IFT140: variants seen among roughly 807,000 people sequenced by gnomAD.
The protein encoded by IFT140 is intraflagellar transport 140.
Under a neutral mutation model 164.6 loss-of-function variants are expected in IFT140, and 133 were observed. The ratio of observed to expected loss-of-function variants is 0.81; its 90% CI spans 0.70 to 0.93. The LOEUF (loss-of-function observed/expected upper bound fraction) is 0.93. Among genes scored for constraint, IFT140 ranks in the 40% least tolerant of loss-of-function variants. IFT140 has a pLI of 0.00. For synonymous variants in IFT140, 860 were observed against 817.3 expected, an observed-to-expected ratio of 1.05 and a Z score of -0.89; for missense variants, 2,045 against 1,972.3, an observed-to-expected ratio of 1.04 and a Z score of -0.70.
intron 30 of IFT140, among the ~76,000 whole-genome samples, chr16:1,514,090 C>T (rs144044740): frequency 1.3e-5 from 2 of 151,652 alleles, no homozygotes; most frequent in East Asian, 2.0e-4. Context: ...TTTTGTTGGC[C>T]AGGTGCGGTA....
At chr16:1,520,425 A>G (rs2040486897) in intron 27 of IFT140, 82 bp from the exon 28 acceptor site, 1 of 1,485,062 alleles carries the variant, frequency 6.7e-7, no homozygotes, top group African/African-American at 1.4e-5. Flanking sequence ...GAGCTCTCAC[A>G]AGAAGAGTGG....
At chr16:1,603,486 CTTT>C (rs537190496) in intron 3 of IFT140, among the ~76,000 whole-genome samples, 1 of 147,974 alleles carries the variant, frequency 6.8e-6, no homozygotes, top group Non-Finnish European at 1.5e-5. Flanking sequence ...TGCGTTTCCT[CTTT>C]TTTTTTTTCT....
intron 19 of IFT140, among the ~76,000 whole-genome samples, chr16:1,542,301 T>A (rs555389134): frequency 2.6e-5 from 4 of 152,344 alleles, no homozygotes; most frequent in African/African-American, 9.6e-5. Context: ...GCAGGGAGGC[T>A]GCGACCACCT....
intron 2 of IFT140, among the ~76,000 whole-genome samples, chr16:1,608,926 C>A (rs539138794): frequency 1.3e-5 from 2 of 151,876 alleles, no homozygotes; most frequent in Non-Finnish European, 2.9e-5. Context: ...GAGGCCGAGG[C>A]GGGTGGATCA....
rs1193618147 is a variant in IFT140, at chr16:1,586,204, G to A, written c.1081C>T (p.Pro361Ser). The change falls in exon 10 of 31, where the codon CCC (proline) becomes TCC (serine). Residue 361 changes from proline to serine, a missense_variant. Pro to Ser is a moderately conservative substitution (Grantham distance 74). Coordinates refer to ENST00000426508, the MANE Select transcript of IFT140 (RefSeq NM_014714.4). ...WRKVPDFLGS[P>S]GAEGKDRWAL... ...CACCTGTCCTTGCCCTCTGCCCCGG[G>A]GCTGCCCAGGAAGTCTGGTACTTTC... 6.2e-7 allele frequency: 1 copy of A among 1,614,118 alleles called. No homozygotes were observed.
At chr16:1,552,048 AC>A (rs1440949085) in intron 19 of IFT140, among the ~76,000 whole-genome samples, 1 of 152,032 alleles carries the variant, frequency 6.6e-6, no homozygotes, top group Non-Finnish European at 1.5e-5. Context: ...AGGGAGGTTG[AC>A]CCTGGAAGCC....
chr16:1,521,060 C>T (rs1412991555), intron 26 of IFT140, among the ~76,000 whole-genome samples: 1 of 152,194 alleles, frequency 6.6e-6, no homozygotes, highest in African/African-American at 2.4e-5. Context: ...GATATATGCT[C>T]AAGAGAATAT....
rs546497569 is a variant in IFT140, at chr16:1,511,294, C to A, written c.4183-144G>T. The A allele has an allele frequency of 7.1e-5, 53 of 745,366 alleles. No individual in the cohort carries two copies. In the East Asian group the frequency reaches 1.3e-3, roughly 19 times the overall value. The allele number at this position is 745,366 out of a possible 1,614,324, so 46.2% of individuals were successfully genotyped here. A position where few individuals can be genotyped will look rare whatever the true frequency, so the allele number is the denominator to read the frequency against. On this transcript the variant is annotated intron_variant, in intron 30 of 30. Coordinates refer to ENST00000426508, the MANE Select transcript of IFT140 (RefSeq NM_014714.4). ...GGACACGGGGTGCACTGAGGCTTCC[C>A]ATTGGTGATGGGGGAATGTGGTGAT...
At chr16:1,587,439 G>T in intron 8 of IFT140, 135 bp from the exon 9 acceptor site, 2 of 638,010 alleles carry the variant, frequency 3.1e-6, no homozygotes, top group Non-Finnish European at 5.6e-6. Flanking sequence ...ATATGAAAAC[G>T]AACACTGCTG....
rs1483475047 is a variant in IFT140, at chr16:1,533,121, C to T, written c.2400-6325G>A. On this transcript the variant is annotated intron_variant, in intron 19 of 30. Coordinates refer to ENST00000426508, the MANE Select transcript of IFT140 (RefSeq NM_014714.4). This position sits in a 1 kb window ranked among gnomAD's most constrained non-coding sequence, Gnocchi z 4.7. ...CCCTGGCCCCAAGGCCCTCCAAGTACAGGTCCCTGGCCCCGAGGTCCTCCA... is the reference window on the plus strand; with the variant it reads ...CCCTGGCCCCAAGGCCCTCCAAGTATAGGTCCCTGGCCCCGAGGTCCTCCA... The T allele has an allele frequency of 6.6e-6, 1 of 152,522 alleles. No individual in the cohort carries two copies. Among genetic ancestry groups the T allele is most frequent in the African/African-American group, 2.4e-5 (1 of 41,434 alleles). 9.4% of individuals were successfully genotyped at this position (152,522 alleles called of 1,614,324 possible). A position where few individuals can be genotyped will look rare whatever the true frequency, so the allele number is the denominator to read the frequency against.
At position 1,587,740 on chromosome 16, in the gene IFT140, G is replaced by A. The variant is rs577443987; in HGVS notation, c.902+193C>T. Among the ~76,000 whole-genome samples, 15 of 152,330 alleles carry A rather than the reference G, an allele frequency of 9.8e-5. No individual in the cohort carries two copies. The South Asian group carries it at 2.9e-3, about 29-fold the overall frequency. On this transcript the variant is annotated intron_variant, in intron 8 of 30. Coordinates refer to ENST00000426508, the MANE Select transcript of IFT140 (RefSeq NM_014714.4). ...GAGCCCCGAGGGAGTGCAGTGGGGC[G>A]GGCAGGGACTCTTGGGGTCTCTTAA... is the stretch of plus-strand genomic sequence containing the variant.
At chr16:1,548,065 G>T (rs1352850326) in intron 19 of IFT140, among the ~76,000 whole-genome samples, 1 of 152,156 alleles carries the variant, frequency 6.6e-6, no homozygotes, top group East Asian at 1.9e-4. Context: ...TTCCAACTTT[G>T]GCTGTTGAGA....
At position 1,584,352 on chromosome 16, in the gene IFT140, G is replaced by A. The variant is rs763741550; in HGVS notation, c.1224C>T (p.Ala408=). 6.2e-7 allele frequency: 1 copy of A among 1,613,310 alleles called. No homozygotes were observed. The change falls in exon 11 of 31, where the codon GCC becomes GCT. Residue 408 remains alanine, a synonymous_variant. Transcript: ENST00000426508. ...CTTGCTGGTGGAAGTGTGACGACAT[G>A]GCCCGCTCGCTGAGGATGGCCACGG... ...VISVAILSER[A]MSSHFHQQVA...
At position 1,524,844 on chromosome 16, in the gene IFT140, C is replaced by T. The variant is rs752529928; in HGVS notation, c.2937G>A (p.Glu979=). Reference sequence around the variant, plus strand: ...CCAGGGAGAAGTGGTCCCGGGCCAGCTCGTAGTAGTGCAGCGCGGCGTCCA... The same window carrying T: ...CCAGGGAGAAGTGGTCCCGGGCCAGTTCGTAGTAGTGCAGCGCGGCGTCCA... ...GEMDAALHYY[E]LARDHFSLVR... is the part of the protein sequence containing the mutation. The change falls in exon 23 of 31, where the codon GAG becomes GAA. Residue 979 remains glutamate, a synonymous_variant. Coordinates refer to ENST00000426508, the MANE Select transcript of IFT140 (RefSeq NM_014714.4). The T allele has an allele frequency of 6.2e-7, 1 of 1,613,230 alleles. No individual in the cohort carries two copies. Among genetic ancestry groups the T allele is most frequent in the South Asian group, 1.1e-5 (1 of 91,078 alleles).
At position 1,533,937 on chromosome 16, in the gene IFT140, A is replaced by G. The variant is rs2030779837; in HGVS notation, c.2400-7141T>C. 2.8e-6 allele frequency: 1 copy of G among 362,258 alleles called. No individual in the cohort carries two copies. Among genetic ancestry groups the G allele is most frequent in the Non-Finnish European group, 5.0e-6 (1 of 199,934 alleles). 22.4% of individuals were successfully genotyped at this position (362,258 alleles called of 1,614,324 possible). On this transcript the variant is annotated intron_variant, in intron 19 of 30. Coordinates refer to ENST00000426508, the MANE Select transcript of IFT140 (RefSeq NM_014714.4). This position sits in a 1 kb window ranked among gnomAD's most constrained non-coding sequence, Gnocchi z 4.7. ...ACTCTGTTTTCCACTGCTGCAGGCGAGAAGAGGCACGCGCGGCACAGGCCG... is the reference window on the plus strand; with the variant it reads ...ACTCTGTTTTCCACTGCTGCAGGCGGGAAGAGGCACGCGCGGCACAGGCCG...
At chr16:1,588,305 C>T (rs1178973377) in intron 7 of IFT140, among the ~76,000 whole-genome samples, 1 of 152,072 alleles carries the variant, frequency 6.6e-6, no homozygotes, top group Non-Finnish European at 1.5e-5. Flanking sequence ...GCAGGCGGAT[C>T]ATGAGGTCAG....
chr16:1,607,836 A>G (rs929594768), intron 2 of IFT140, among the ~76,000 whole-genome samples: 5 of 152,186 alleles, frequency 3.3e-5, no homozygotes, highest in Non-Finnish European at 5.9e-5. Context: ...TGTAGACACA[A>G]GGTTTTACTA....
chr16:1,525,970 G>A lies in IFT140; in HGVS notation c.2685C>T (p.His895=), dbSNP rs762560105. 9 of 1,589,590 alleles carry A rather than the reference G, an allele frequency of 5.7e-6. No individual in the cohort carries two copies. The highest frequency in any genetic ancestry group is 4.6e-5 in the South Asian group (4 of 87,350). The change falls in exon 21 of 31, where the codon CAC becomes CAT. Residue 895 remains histidine (H), a synonymous_variant. Transcript: ENST00000426508. ...AGGTGCTGCGCAGGTGCACGCGATC[G>A]TGGTGCTCGGCTACCTGGAGGGCCT... The part of the protein sequence containing the change: ...WQEALQVAEH[H]DRVHLRSTYH...
chr16:1,541,941 G>A (rs1482760733), intron 19 of IFT140: 7 of 1,606,590 alleles, frequency 4.4e-6, no homozygotes, highest in South Asian at 1.1e-5. Context: ...CATGATGCGC[G>A]CCTGCAACCT....
Sources: gnomAD v4.1 joint callset for allele counts (sites outside exome capture counted in the v4.1 genomes callset) on GRCh38, gnomAD v4.1.1 for gene constraint, Gnocchi (gnomAD v3.1) non-coding constraint, MANE v1.5 for transcripts, NCBI Gene and HGNC (gene_info 2026-07-23, HGNC 2026-07-21) for gene names.